The following ANKHD1 variants were observed in gnomAD, a reference collection of about 807,000 sequenced individuals.
The protein encoded by ANKHD1 is ankyrin repeat and KH domain-containing protein 1.
In ANKHD1, 31 loss-of-function variants were observed where a neutral mutation model predicts 230.5. The ratio of observed to expected loss-of-function variants is 0.13; its 90% confidence interval spans 0.10 to 0.18. The LOEUF (loss-of-function observed/expected upper bound fraction) is 0.18. Among genes scored for constraint, ANKHD1 ranks in the 10% least tolerant of loss-of-function variants. The pLI is 1.00. For synonymous variants in ANKHD1, 1,074 were observed against 1,117.6 expected, an observed-to-expected ratio of 0.96 and a Z score of 0.78; for missense variants, 2,256 against 3,071.3, an observed-to-expected ratio of 0.73 and a Z score of 6.27.
At chr5:140,516,523 T>C (rs926925478) in intron 24 of ANKHD1, among the ~76,000 whole-genome samples, 1 of 151,984 alleles carries the variant, frequency 6.6e-6, no homozygotes, top group African/African-American at 2.4e-5. Flanking sequence ...GAAAAAATGT[T>C]AAGGGCAGCC....
chr5:140,441,206 A>G, intron 5 of ANKHD1, 64 bp downstream of exon 5: 1 of 1,414,166 alleles, frequency 7.1e-7, no homozygotes, highest in Non-Finnish European at 9.2e-7. Flanking sequence ...TGAGAGAGAG[A>G]AAAATTAGAT....
intron 7 of ANKHD1, 54 bp downstream of exon 7, chr5:140,449,359 G>GT (rs1467909102): frequency 7.0e-6 from 11 of 1,574,658 alleles, no homozygotes; most frequent in Non-Finnish European, 9.5e-6. Context: ...GGTCGTATGT[G>GT]TTTAAGCCTT....
At chr5:140,498,149 G>A (rs1008386228) in intron 15 of ANKHD1, 1 of 152,198 alleles carries the variant, frequency 6.6e-6, no homozygotes, top group African/African-American at 2.4e-5. Flanking sequence ...GTTGACAGTG[G>A]ATGAAGACCA....
At chr5:140,419,650 G>A (rs566485229) in intron 1 of ANKHD1, among the ~76,000 whole-genome samples, 44 of 150,972 alleles carry the variant, frequency 2.9e-4, no homozygotes, top group African/African-American at 1.0e-3. Context: ...TGTAGATATG[G>A]AGTATCAGTA....
chr5:140,444,286 T>C (rs1175778693), intron 5 of ANKHD1, among the ~76,000 whole-genome samples: 4 of 152,080 alleles, frequency 2.6e-5, no homozygotes, highest in African/African-American at 9.7e-5. Flanking sequence ...ATTGGGAAAA[T>C]AGAGATTTCC....
chr5:140,506,991 AT>A lies in ANKHD1; in HGVS notation c.3551+18del. ...AATTAATTCAAGGTATTGCCTGTTC[AT>A]TTTATTGTTCATGTTTAGTAAGTTA... On this transcript the variant is annotated intron_variant, in intron 19 of 33. Transcript: ENST00000360839. This position sits in a 1 kb window ranked among gnomAD's most constrained non-coding sequence, Gnocchi z 4.7. 6.2e-7 allele frequency: 1 copy of A among 1,611,360 alleles called. No homozygotes were observed. The highest frequency in any genetic ancestry group is 1.1e-5 in the South Asian group (1 of 90,788).
intron 25 of ANKHD1, 72 bp downstream of exon 25, chr5:140,524,312 G>GCTCTAGTAAA: frequency 6.8e-7 from 1 of 1,462,590 alleles, no homozygotes; most frequent in Non-Finnish European, 9.0e-7. Flanking sequence ...AGTGCTCTTT[G>GCTCTAGTAAA]CTCTAGTTAA....
rs907075896 is a variant in ANKHD1, at chr5:140,527,794, T to C, written c.5088-79T>C. ...GAAATGTTATTCTCCAAAATGTCCA[T>C]GAACATACTTACTAAGACATCTTTC... On this transcript the variant is annotated intron_variant, in intron 27 of 33. Coordinates refer to ENST00000360839, the MANE Select transcript of ANKHD1 (RefSeq NM_017747.3). This position sits in a 1 kb window ranked among gnomAD's most constrained non-coding sequence, Gnocchi z 4.5. 1 of 1,453,654 alleles carries C rather than the reference T, an allele frequency of 6.9e-7. No homozygotes were observed. Among genetic ancestry groups the C allele is most frequent in the Non-Finnish European group, 9.1e-7 (1 of 1,096,514 alleles). 90.0% of individuals were successfully genotyped at this position (1,453,654 alleles called of 1,614,324 possible).
In ANKHD1 at chr5:140,539,345, C is replaced by T. The variant is rs758746016; in HGVS notation, c.7570-14C>T. 1.2e-6 allele frequency: 2 copies of T among 1,611,602 alleles called. No individual in the cohort carries two copies. The highest frequency in any genetic ancestry group is 1.7e-6 in the Non-Finnish European group (2 of 1,179,318). ...TCCTAATTAGAAATTCCAATTTTTC[C>T]TCCCCCTTTTCAGATTTGGCCTGGC... On this transcript the variant is annotated splice_polypyrimidine_tract_variant and intron_variant, in intron 33 of 33. Transcript: ENST00000360839.
chr5:140,405,397 G>C (rs1770355512), intron 1 of ANKHD1, among the ~76,000 whole-genome samples: 1 of 152,070 alleles, frequency 6.6e-6, no homozygotes, highest in African/African-American at 2.4e-5. Context: ...AGTCTTTATA[G>C]TATGTGTGGT....
chr5:140,443,018 GC>G (rs1773981107), intron 5 of ANKHD1, among the ~76,000 whole-genome samples: 1 of 151,528 alleles, frequency 6.6e-6, no homozygotes, highest in Admixed American at 6.6e-5. Flanking sequence ...CCATTCTCCT[GC>G]CTCAGCCTCC....
At chr5:140,445,163 A>G (rs1315089182) in intron 5 of ANKHD1, among the ~76,000 whole-genome samples, 1 of 152,022 alleles carries the variant, frequency 6.6e-6, no homozygotes, top group African/African-American at 2.4e-5. Flanking sequence ...CCTGGCCAGA[A>G]AATCTCTTAA....
rs923749941 is a variant in ANKHD1, at chr5:140,524,869, C to T, written c.4492+629C>T. Reference sequence around the variant, plus strand: ...CTGTAATCCCAGCACTTTGGGAGGCCGAGAGCGGATCACGAGGTCAGGAGT... The same window carrying T: ...CTGTAATCCCAGCACTTTGGGAGGCTGAGAGCGGATCACGAGGTCAGGAGT... On this transcript the variant is annotated intron_variant, in intron 25 of 33. Transcript: ENST00000360839. 6.8e-5 allele frequency: 13 copies of T among 191,288 alleles called. No homozygotes were observed. The South Asian group carries it at 9.1e-4, about 13-fold the overall frequency. The allele number at this position is 191,288 out of a possible 1,614,324, so 11.8% of individuals were successfully genotyped here.
intron 7 of ANKHD1, among the ~76,000 whole-genome samples, chr5:140,457,229 A>G (rs1439580738): frequency 6.6e-6 from 1 of 152,244 alleles, no homozygotes; most frequent in African/African-American, 2.4e-5. Context: ...GATGTGGAGA[A>G]ATAGGAACAC....
chr5:140,413,244 A>T (rs1449652784), intron 1 of ANKHD1, among the ~76,000 whole-genome samples: 1 of 152,216 alleles, frequency 6.6e-6, no homozygotes, highest in African/African-American at 2.4e-5. Flanking sequence ...TTTTGGTAAA[A>T]TATTCATAAC....
At chr5:140,474,595 C>CT (rs1750862089) in intron 10 of ANKHD1, among the ~76,000 whole-genome samples, 6 of 131,420 alleles carry the variant, frequency 4.6e-5, no homozygotes, top group South Asian at 2.4e-4. Context: ...TTTTTTTTTT[C>CT]TTCTTTTTTT....
intron 9 of ANKHD1, among the ~76,000 whole-genome samples, chr5:140,462,424 A>G (rs1464974477): frequency 2.6e-5 from 4 of 152,238 alleles, no homozygotes; most frequent in Admixed American, 2.6e-4. Context: ...ATTAAATACA[A>G]ATCATCATAT....
intron 29 of ANKHD1, chr5:140,531,357 GT>G: frequency 2.5e-6 from 1 of 400,142 alleles, no homozygotes; most frequent in Non-Finnish European, 5.0e-6. Context: ...GAGGCGAGTG[GT>G]TTACATGAGG....
chr5:140,517,937 A>G (rs1753115115), intron 24 of ANKHD1, among the ~76,000 whole-genome samples: 1 of 151,852 alleles, frequency 6.6e-6, no homozygotes, highest in South Asian at 2.1e-4. Flanking sequence ...AAATAACTAA[A>G]ATCAGAGCAG....
Sources: gnomAD v4.1 joint callset for allele counts (sites outside exome capture counted in the v4.1 genomes callset) on GRCh38, gnomAD v4.1.1 for gene constraint, Gnocchi (gnomAD v3.1) non-coding constraint, MANE v1.5 for transcripts, NCBI Gene and HGNC (gene_info 2026-07-23, HGNC 2026-07-21) for gene names.